The following TMEM232 variants were observed in gnomAD, a reference collection of about 807,000 sequenced individuals.
TMEM232 encodes the protein transmembrane protein 232.
In TMEM232, 80 loss-of-function variants were observed where a neutral mutation model predicts 78.8. That is an observed-to-expected ratio of 1.01 (90% CI 0.85 to 1.22). The LOEUF (loss-of-function observed/expected upper bound fraction) is 1.22. Ranked by LOEUF, TMEM232 falls within the 50% of genes most tolerant of loss-of-function variation. The pLI is 0.00. For missense variants in TMEM232, 881 were observed against 742.2 expected (o/e 1.19, Z -2.17); for synonymous variants, 297 against 254.3 (o/e 1.17, Z -1.60).
At chr5:110,638,156 T>C in intron 5 of TMEM232, 42 bp downstream of exon 5, 1 of 1,420,858 alleles carries the variant, frequency 7.0e-7, no homozygotes. Flanking sequence ...ACATGTAGTA[T>C]GTGAAATATT....
intron 2 of TMEM232, among the ~76,000 whole-genome samples, chr5:110,648,112 A>G (rs1264142850): frequency 6.6e-6 from 1 of 152,032 alleles, no homozygotes; most frequent in Non-Finnish European, 1.5e-5. Flanking sequence ...TTAAAAAGGG[A>G]AGTCACAAAG....
At chr5:110,482,729 TAAAA>T (rs1380176519) in intron 12 of TMEM232, among the ~76,000 whole-genome samples, 2 of 151,652 alleles carry the variant, frequency 1.3e-5, no homozygotes, top group African/African-American at 4.9e-5. Context: ...TAAAAATAAA[TAAAA>T]GAAGCATCTA....
At chr5:110,569,151 G>A (rs1422639415) in intron 10 of TMEM232, among the ~76,000 whole-genome samples, 2 of 151,762 alleles carry the variant, frequency 1.3e-5, no homozygotes, top group Non-Finnish European at 2.9e-5. Context: ...CAATAATAGT[G>A]AAATAAATCA....
Position 110,600,331 on chromosome 5 carries a change from C to G in TMEM232, c.1276+4778G>C, listed in dbSNP as rs7713654. ...AAGATCAGAGCAGAACTGAAGGAGA[C>G]AGAGACACAAAAAGTCCTTCAAAAA... On this transcript the variant is annotated intron_variant, in intron 10 of 13. Transcript: ENST00000455884. Among the ~76,000 whole-genome samples, 3 of 151,814 alleles carry G rather than the reference C, an allele frequency of 2.0e-5. No homozygotes were observed. The South Asian group carries it at 6.2e-4, about 31-fold the overall frequency.
chr5:110,400,185 C>T (rs139645559), intron 2 of TMEM232, among the ~76,000 whole-genome samples: 18 of 152,210 alleles, frequency 1.2e-4, no homozygotes, highest in African/African-American at 4.3e-4. Flanking sequence ...GTTGGTATAG[C>T]TAAGTGAAAA....
intron 2 of TMEM232, among the ~76,000 whole-genome samples, chr5:110,400,605 G>A (rs1192077304): frequency 1.3e-5 from 2 of 151,950 alleles, no homozygotes; most frequent in African/African-American, 2.4e-5. Flanking sequence ...GTTTATAAAT[G>A]CCTTTATTTC....
intron 2 of TMEM232, among the ~76,000 whole-genome samples, chr5:110,408,756 T>C (rs1755885757): frequency 6.6e-6 from 1 of 152,042 alleles, no homozygotes; most frequent in African/African-American, 2.4e-5. Flanking sequence ...CCGAGAACAC[T>C]GAAATACAGT....
rs184728343 is a variant in TMEM232 at position 110,498,077 on chromosome 5, A to G, written c.1703+30511T>C. ...AAATGCATTTATTTTATCAAACCTA[A>G]GTTAAAGACTCTTCAAATAAGCATG... On this transcript the variant is annotated intron_variant, in intron 12 of 13. Transcript: ENST00000455884. Among the ~76,000 whole-genome samples, 542 of 152,278 alleles carry G rather than the reference A, an allele frequency of 3.6e-3. 4 individuals are homozygous for G. Among genetic ancestry groups the G allele is most frequent in the African/African-American group, 0.012 (502 of 41,566 alleles).
intron 13 of TMEM232, among the ~76,000 whole-genome samples, chr5:110,423,542 C>T (rs1356503146): frequency 3.3e-5 from 5 of 152,138 alleles, no homozygotes; most frequent in African/African-American, 1.2e-4. Context: ...GCTAGCCGCA[C>T]ATCAAACAAT....
At chr5:110,503,287 C>G (rs1766475798) in intron 12 of TMEM232, among the ~76,000 whole-genome samples, 1 of 152,008 alleles carries the variant, frequency 6.6e-6, no homozygotes, top group South Asian at 2.1e-4. Flanking sequence ...GATTGTCTGA[C>G]AGATTGAATG....
chr5:110,504,629 C>A (rs780385611), intron 12 of TMEM232, among the ~76,000 whole-genome samples: 5 of 152,202 alleles, frequency 3.3e-5, no homozygotes, highest in African/African-American at 1.2e-4. Context: ...GAGTCTGTTT[C>A]AATTCGAGTC....
In TMEM232 at chr5:110,636,775, A is replaced by T. The variant is rs569651271; in HGVS notation, c.501+1423T>A. Among the ~76,000 whole-genome samples the T allele has an allele frequency of 3.3e-5, 5 of 152,138 alleles. No homozygotes were observed. In the South Asian group the frequency reaches 1.0e-3, roughly 31 times the overall value. On this transcript the variant is annotated intron_variant, in intron 5 of 13. Transcript: ENST00000455884. ...GATAGTTGTGAGAATAAAATAAGTT[A>T]ATGTGTCTAATATATTTAAAGCACT...
intron 12 of TMEM232, among the ~76,000 whole-genome samples, chr5:110,527,393 G>A (rs545401118): frequency 2.5e-4 from 38 of 151,892 alleles, no homozygotes; most frequent in Admixed American, 1.1e-3. Flanking sequence ...TATTTAAAAC[G>A]CTTGATAATA....
chr5:110,736,413 A>C (rs1799171423), intron 1 of TMEM232, among the ~76,000 whole-genome samples: 1 of 152,212 alleles, frequency 6.6e-6, no homozygotes, highest in Non-Finnish European at 1.5e-5. Flanking sequence ...AATTAAATAA[A>C]AAGTGAAACT....
chr5:110,486,168 G>GTT (rs895588773), intron 12 of TMEM232, among the ~76,000 whole-genome samples: 1 of 146,120 alleles, frequency 6.8e-6, no homozygotes, highest in African/African-American at 2.5e-5. Context: ...TTAACGGGAG[G>GTT]TTTTTTTTTT....
At chr5:110,443,907 C>G (rs1220330954) in intron 12 of TMEM232, among the ~76,000 whole-genome samples, 1 of 152,158 alleles carries the variant, frequency 6.6e-6, no homozygotes, top group East Asian at 1.9e-4. Flanking sequence ...ATGGGAGTCT[C>G]ATGACTCTGC....
chr5:110,532,371 G>A (rs761815264), intron 11 of TMEM232, among the ~76,000 whole-genome samples: 38 of 151,522 alleles, frequency 2.5e-4, no homozygotes, highest in Non-Finnish European at 4.7e-4. Context: ...CCGAGCTTCA[G>A]GTAACTCTCA....
downstream of TMEM232, among the ~76,000 whole-genome samples, chr5:110,418,838 G>A (rs945962810): frequency 1.3e-5 from 2 of 152,164 alleles, no homozygotes; most frequent in Non-Finnish European, 2.9e-5. Flanking sequence ...AGATGGTGCT[G>A]AAACAGCAGG....
intron 12 of TMEM232, among the ~76,000 whole-genome samples, chr5:110,487,489 T>C (rs1764591039): frequency 6.6e-6 from 1 of 152,156 alleles, no homozygotes; most frequent in African/African-American, 2.4e-5. Flanking sequence ...GTCCCTTGTA[T>C]GCCAATTTTG....
Sources: gnomAD v4.1 joint callset for allele counts (sites outside exome capture counted in the v4.1 genomes callset) on GRCh38, gnomAD v4.1.1 for gene constraint, MANE v1.5 for transcripts, NCBI Gene and HGNC (gene_info 2026-07-23, HGNC 2026-07-21) for gene names.